Variants in RANBP3 observed in about 807,000 individuals in gnomAD.
The protein encoded by RANBP3 is ran-binding protein 3.
In RANBP3, 14 loss-of-function variants were observed where a neutral mutation model predicts 77.3. The observed-to-expected ratio is 0.18, with a 90% confidence interval of 0.12 to 0.28. The LOEUF (loss-of-function observed/expected upper bound fraction) is 0.28, where lower values mean the gene tolerates loss of function less well. RANBP3 is among the 10% of genes least tolerant of loss of function. The pLI, the probability that RANBP3 is intolerant of heterozygous loss-of-function variation, is 1.00. For missense variants in RANBP3, 586 were observed against 752.3 expected, an observed-to-expected ratio of 0.78 and a Z score of 2.59; for synonymous variants, 315 against 312.4, an observed-to-expected ratio of 1.01 and a Z score of -0.09.
intron 3 of RANBP3, among the ~76,000 whole-genome samples, chr19:5,949,003 C>A (rs911132979): frequency 4.6e-5 from 7 of 152,194 alleles, no homozygotes; most frequent in Admixed American, 2.0e-4. Flanking sequence ...ACTGACTCTT[C>A]CATGGCCAGG....
At chr19:5,975,819 C>A (rs2058583933) in intron 1 of RANBP3, among the ~76,000 whole-genome samples, 1 of 151,578 alleles carries the variant, frequency 6.6e-6, no homozygotes, top group South Asian at 2.1e-4. Flanking sequence ...TGGGGGAAAA[C>A]TGTTTCAGTT....
chr19:5,956,036 G>A (rs754967480), intron 2 of RANBP3, among the ~76,000 whole-genome samples: 1 of 152,052 alleles, frequency 6.6e-6, no homozygotes, highest in Non-Finnish European at 1.5e-5. Flanking sequence ...GAAGCCAGGA[G>A]TTCAAGACTG....
At chr19:5,932,381 G>T in intron 7 of RANBP3, 71 bp downstream of exon 7, 3 of 1,230,340 alleles carry the variant, frequency 2.4e-6, no homozygotes, top group Non-Finnish European at 2.4e-6. Context: ...CAACACTGCT[G>T]TCCCGGGTGC....
At chr19:5,930,272 G>C (rs2057971514) in intron 8 of RANBP3, among the ~76,000 whole-genome samples, 1 of 152,252 alleles carries the variant, frequency 6.6e-6, no homozygotes, top group African/African-American at 2.4e-5. Flanking sequence ...TTTGAAAAAG[G>C]GCGTGAGGAT....
At chr19:5,947,138 AC>A (rs1241939402) in intron 3 of RANBP3, among the ~76,000 whole-genome samples, 1 of 151,692 alleles carries the variant, frequency 6.6e-6, no homozygotes, top group African/African-American at 2.4e-5. Context: ...ACATGGAGAA[AC>A]CCCGTCTCTA....
At chr19:5,961,366 G>A (rs931243246) in intron 1 of RANBP3, among the ~76,000 whole-genome samples, 1 of 151,738 alleles carries the variant, frequency 6.6e-6, no homozygotes, top group Non-Finnish European at 1.5e-5. Context: ...AGCCAAGGTT[G>A]CGCCACTGCA....
intron 3 of RANBP3, among the ~76,000 whole-genome samples, chr19:5,942,584 T>C (rs1037198937): frequency 1.3e-5 from 2 of 150,924 alleles, no homozygotes; most frequent in Admixed American, 6.7e-5. Flanking sequence ...TGCACGCCTG[T>C]AATCTCAGCT....
chr19:5,940,051 C>T (rs1389575189), intron 5 of RANBP3, among the ~76,000 whole-genome samples: 7 of 152,206 alleles, frequency 4.6e-5, no homozygotes, highest in Admixed American at 6.5e-5. Context: ...AAGTGGAATT[C>T]GTAGGGGAAG....
At chr19:5,929,297 C>T (rs1213112999) in intron 8 of RANBP3, among the ~76,000 whole-genome samples, 1 of 152,234 alleles carries the variant, frequency 6.6e-6, no homozygotes, top group Non-Finnish European at 1.5e-5. Context: ...ACCTGGAAGT[C>T]CTCAGAGGAT....
intron 16 of RANBP3, 27 bp downstream of exon 16, chr19:5,917,767 C>A: frequency 6.3e-7 from 1 of 1,595,560 alleles, no homozygotes; most frequent in Non-Finnish European, 8.5e-7. Flanking sequence ...TTTCTATCCC[C>A]CCCAGGGTAG....
chr19:5,949,313 A>T (rs1469947738), intron 3 of RANBP3, among the ~76,000 whole-genome samples: 1 of 152,244 alleles, frequency 6.6e-6, no homozygotes, highest in Non-Finnish European at 1.5e-5. Flanking sequence ...GACTTGATCT[A>T]TGGCCTAACT....
chr19:5,929,575 CTG>C (rs971987916), intron 8 of RANBP3, among the ~76,000 whole-genome samples: 25 of 152,320 alleles, frequency 1.6e-4, no homozygotes, highest in South Asian at 4.1e-4. Context: ...GTCTGAGACT[CTG>C]TGTGTGTGTG....
At position 5,924,766 on chromosome 19, in the gene RANBP3, G is replaced by A. The variant is rs2057878385; in HGVS notation, c.996+61C>T. ...GCAGCCCTGCTCTCCATGTCCCCTT[G>A]ACCTGTGGCTGGCGCCGAGAGCCTC... On this transcript the variant is annotated intron_variant, in intron 11 of 16. Transcript: ENST00000340578. The surrounding 1 kb of genome is among the most constrained non-coding windows in gnomAD (Gnocchi z 4.7). The A allele has an allele frequency of 1.3e-6, 2 of 1,510,480 alleles. No individual in the cohort carries two copies. The highest frequency in any genetic ancestry group is 3.3e-5 in the Admixed American group (2 of 59,860). 93.6% of individuals were successfully genotyped at this position (1,510,480 alleles called of 1,614,324 possible). A position where few individuals can be genotyped will look rare whatever the true frequency, so the allele number is the denominator to read the frequency against.
chr19:5,939,143 C>T (rs2058102254), intron 5 of RANBP3, among the ~76,000 whole-genome samples: 1 of 152,184 alleles, frequency 6.6e-6, no homozygotes, highest in African/African-American at 2.4e-5. Flanking sequence ...TGAGATCACA[C>T]CACTGCACTC....
intron 5 of RANBP3, chr19:5,933,886 G>A (rs41276878): frequency 0.012 from 1,964 of 162,930 alleles, 23 homozygotes; most frequent in Non-Finnish European, 0.015. Flanking sequence ...TCTGTCAGAG[G>A]ATGCGGCTGT....
chr19:5,925,455 C>T, intron 10 of RANBP3, 179 bp downstream of exon 10: 1 of 619,934 alleles, frequency 1.6e-6, no homozygotes, highest in South Asian at 1.9e-5. Context: ...AGGACAAGGC[C>T]CACCACCCTG....
At chr19:5,962,270 C>A (rs922176193) in intron 1 of RANBP3, among the ~76,000 whole-genome samples, 3 of 152,178 alleles carry the variant, frequency 2.0e-5, no homozygotes, top group African/African-American at 7.2e-5. Context: ...GAACAGGAAG[C>A]TGAGGGCAGA....
At chr19:5,936,086 C>T (rs2058060701) in intron 5 of RANBP3, among the ~76,000 whole-genome samples, 1 of 152,240 alleles carries the variant, frequency 6.6e-6, no homozygotes. Context: ...GGAAGCCATG[C>T]TTGCCCCCCA....
chr19:5,973,543 T>C (rs1022373988), intron 1 of RANBP3, among the ~76,000 whole-genome samples: 2 of 152,196 alleles, frequency 1.3e-5, no homozygotes, highest in Non-Finnish European at 2.9e-5. Context: ...CAGATGTCTG[T>C]AGTGCTCAGG....
Sources: gnomAD v4.1 joint callset for allele counts (sites outside exome capture counted in the v4.1 genomes callset) on GRCh38, gnomAD v4.1.1 for gene constraint, Gnocchi (gnomAD v3.1) non-coding constraint, MANE v1.5 for transcripts, NCBI Gene and HGNC (gene_info 2026-07-23, HGNC 2026-07-21) for gene names.